The following ING2 variants were observed in gnomAD, a reference collection of about 807,000 sequenced individuals.
The protein encoded by ING2 is inhibitor of growth family member 2, also known as inhibitor of growth protein 2.
ING2 carries 7 observed loss-of-function variants against 30.6 expected under a neutral mutation model. That is an observed-to-expected ratio of 0.23 (90% CI 0.13 to 0.43). The LOEUF (loss-of-function observed/expected upper bound fraction) is 0.43. Among genes scored for constraint, ING2 ranks in the 20% least tolerant of loss-of-function variants. The probability of loss-of-function intolerance (pLI) is 1.00; values close to 1 mark genes in which losing one functional copy is unlikely to be tolerated. For synonymous variants in ING2, 136 were observed against 121.7 expected (o/e 1.12, Z -0.78); for missense variants, 239 against 334.9 (o/e 0.71, Z 2.24).
In ING2 at chr4:183,510,669, A is replaced by C; in HGVS notation, c.560A>C (p.Lys187Thr). ...PPKEKKSKSA[K>T]KKKRSKAKQE... Reference sequence around the variant, plus strand: ...AAAGAAAAGAAATCCAAGTCAGCAAAGAAAAAGAAACGCTCCAAGGCCAAG... The same window carrying C: ...AAAGAAAAGAAATCCAAGTCAGCAACGAAAAAGAAACGCTCCAAGGCCAAG... The change falls in exon 2 of 2, where the codon AAG (lysine) becomes ACG (threonine). Residue 187 changes from lysine to threonine, a missense_variant. Physicochemically the swap from Lys to Thr is moderately conservative, Grantham distance 78. Coordinates refer to ENST00000302327, the MANE Select transcript of ING2 (RefSeq NM_001564.4). The C allele has an allele frequency of 6.2e-7, 1 of 1,614,218 alleles. No homozygotes were observed. Among genetic ancestry groups the C allele is most frequent in the Non-Finnish European group, 8.5e-7 (1 of 1,180,028 alleles).
At chr4:183,508,752 G>T (rs889202107) in intron 1 of ING2, among the ~76,000 whole-genome samples, 3 of 152,120 alleles carry the variant, frequency 2.0e-5, no homozygotes, top group African/African-American at 7.2e-5. Flanking sequence ...AAAATACCAT[G>T]CGGACAGAAC....
At chr4:183,506,175 G>A in intron 1 of ING2, 1 of 1,291,192 alleles carries the variant, frequency 7.7e-7, no homozygotes, top group Admixed American at 2.3e-5. Flanking sequence ...GGGAGTCGGG[G>A]CTGTGCGGGG....
At position 183,512,290 on chromosome 4, in the gene ING2, G is replaced by A. The variant is rs1734836060; in HGVS notation, c.*1338G>A. Reference sequence around the variant, plus strand: ...TTCTAGCTCTCCTGTGTGACTTTTAGGCATGTCATTTCACCTTGTCTGGGT... The same window carrying A: ...TTCTAGCTCTCCTGTGTGACTTTTAAGCATGTCATTTCACCTTGTCTGGGT... On this transcript the variant is annotated 3_prime_UTR_variant, in exon 2 of 2. Transcript: ENST00000302327. Among the ~76,000 whole-genome samples, 1 of 151,784 alleles carries A rather than the reference G, an allele frequency of 6.6e-6. No individual in the cohort carries two copies. Among genetic ancestry groups the A allele is most frequent in the East Asian group, 1.9e-4 (1 of 5,136 alleles).
At chr4:183,505,464 C>A in intron 1 of ING2, 97 bp downstream of exon 1, 1 of 1,261,394 alleles carries the variant, frequency 7.9e-7, no homozygotes, top group Non-Finnish European at 1.1e-6. Context: ...TCTCCCCGAG[C>A]GCACCGAGGG....
At chr4:183,506,352 C>T (rs1301389316) in intron 1 of ING2, 2 of 1,279,614 alleles carry the variant, frequency 1.6e-6, no homozygotes, top group Non-Finnish European at 2.1e-6. Context: ...TTCCGGGCTT[C>T]AGGAGGAAGT....
chr4:183,506,087 A>G (rs949494836), intron 1 of ING2: 3 of 1,180,016 alleles, frequency 2.5e-6, no homozygotes, highest in Non-Finnish European at 2.1e-6. Context: ...GGGGCGTGGG[A>G]GGGGCGCGGC....
rs1734838440 is a variant in ING2, at chr4:183,512,381, T to C, written c.*1429T>C. On this transcript the variant is annotated 3_prime_UTR_variant, in exon 2 of 2. Coordinates refer to ENST00000302327, the MANE Select transcript of ING2 (RefSeq NM_001564.4). ...TCCGAGATTCCTTGGAAATTTCTAC[T>C]ATTTGCACTATAGTGAGGATTTTAA... 1.3e-5 allele frequency among the ~76,000 whole-genome samples: 2 copies of C among 152,232 alleles called. No individual in the cohort carries two copies. The highest frequency in any genetic ancestry group is 4.8e-5 in the African/African-American group (2 of 41,466).
rs1392275793 is a variant in ING2, at chr4:183,511,524, T to C, written c.*572T>C. Among the ~76,000 whole-genome samples, 4 of 152,242 alleles carry C rather than the reference T, an allele frequency of 2.6e-5. No homozygotes were observed. The highest frequency in any genetic ancestry group is 4.8e-5 in the African/African-American group (2 of 41,472). On this transcript the variant is annotated 3_prime_UTR_variant, in exon 2 of 2. Transcript: ENST00000302327. ...GTGCTCTTATGAGAGTACGTGCTGC[T>C]GTCTTTTGCTTAGTAGCATTTTGAT...
At chr4:183,509,381 A>G (rs1734757719) in intron 1 of ING2, among the ~76,000 whole-genome samples, 3 of 152,146 alleles carry the variant, frequency 2.0e-5, no homozygotes, top group East Asian at 1.9e-4. Flanking sequence ...AGTAGACTAA[A>G]GTGGCATTCA....
intron 1 of ING2, chr4:183,506,049 C>T (rs1229826594): frequency 9.0e-7 from 1 of 1,105,600 alleles, no homozygotes; most frequent in South Asian, 1.8e-5. Flanking sequence ...GGCCCCCGCG[C>T]CGGGGGCGGG....
Position 183,506,522 on chromosome 4 carries a change from G to A in ING2, c.172+1155G>A, listed in dbSNP as rs571458563. ...CCTACTATCGGTGGTGCTACTAGGA[G>A]GGCAGTTTAAAAGGGGAAATGTGTT... On this transcript the variant is annotated intron_variant, in intron 1 of 1. Transcript: ENST00000302327. Among the ~76,000 whole-genome samples, 5 of 152,312 alleles carry A rather than the reference G, an allele frequency of 3.3e-5. No homozygotes were observed. In the South Asian group the frequency reaches 1.0e-3, roughly 32 times the overall value.
Position 183,510,905 on chromosome 4 carries a change from A to G in ING2, c.796A>G (p.Met266Val), listed in dbSNP as rs1359628774. The change falls in exon 2 of 2, where the codon ATG (methionine) becomes GTG (valine). Residue 266 changes from methionine to valine, a missense_variant. Around this residue, in one of 5 missense-constraint regions of ING2, gnomAD observed 22 missense variants for 77.0 expected, o/e 0.29. Transcript: ENST00000302327. ...GTGCAGGGGAGATAATGAGAAAACA[A>G]TGGACAAAAGTACTGAAAAGACAAA... ...PKCRGDNEKT[M>V]DKSTEKTKKD... 2 of 1,609,652 alleles carry G rather than the reference A, an allele frequency of 1.2e-6. No individual in the cohort carries two copies. The highest frequency in any genetic ancestry group is 2.7e-5 in the African/African-American group (2 of 74,826).
In ING2 at chr4:183,511,249, T is replaced by G. The variant is rs1294431051; in HGVS notation, c.*297T>G. 6.6e-6 allele frequency among the ~76,000 whole-genome samples: 1 copy of G among 152,222 alleles called. No homozygotes were observed. Among genetic ancestry groups the G allele is most frequent in the Non-Finnish European group, 1.5e-5 (1 of 68,032 alleles). ...TGCCTATTTCATTTTCACTTAAAAC[T>G]GCAATGTTATTTTTTGGGTAAACAC... On this transcript the variant is annotated 3_prime_UTR_variant, in exon 2 of 2. Coordinates refer to ENST00000302327, the MANE Select transcript of ING2 (RefSeq NM_001564.4).
In ING2 at chr4:183,510,361, G is replaced by C. The variant is rs202172876; in HGVS notation, c.252G>C (p.Gln84His). The change falls in exon 2 of 2, where the codon CAG becomes CAC. Residue 84 changes from glutamine (Q) to histidine (H), a missense_variant. By Grantham distance (24) the Gln-to-His change is conservative. This residue lies in a region of ING2 where 80 missense variants were observed against 102.4 expected (regional missense o/e 0.78). Transcript: ENST00000302327. ...DDLNQKKRLQ[Q>H]LLQRALINSQ... Reference sequence around the variant, plus strand: ...TAAACCAGAAGAAACGTCTACAGCAGCTTCTCCAGAGAGCACTAATTAATA... The same window carrying C: ...TAAACCAGAAGAAACGTCTACAGCACCTTCTCCAGAGAGCACTAATTAATA... 5.6e-6 allele frequency: 9 copies of C among 1,614,102 alleles called. No homozygotes were observed. In the East Asian group the frequency reaches 1.6e-4, roughly 28 times the overall value.
intron 1 of ING2, among the ~76,000 whole-genome samples, chr4:183,506,602 C>A (rs1379620570): frequency 6.6e-6 from 1 of 152,206 alleles, no homozygotes; most frequent in Non-Finnish European, 1.5e-5. Context: ...TGGAAACAGC[C>A]ATACGAACTT....
chr4:183,512,242 G>GA lies in ING2; in HGVS notation c.*1299dup, dbSNP rs112692302. 0.065 allele frequency among the ~76,000 whole-genome samples: 9,688 copies of GA among 150,142 alleles called. 473 individuals carry two copies. Among genetic ancestry groups the GA allele is most frequent in the East Asian group, 0.18 (945 of 5,134 alleles). On this transcript the variant is annotated 3_prime_UTR_variant, in exon 2 of 2. Transcript: ENST00000302327. ...GAAAAATCCTGTCTGCTTGTTTTGG[G>GA]AAAAAAAAATGCTTTTTTTCTCTTC...
rs1233340327 is a variant in ING2 at position 183,505,496 on chromosome 4, G to A, written c.172+129G>A. 8 of 960,016 alleles carry A rather than the reference G, an allele frequency of 8.3e-6. No homozygotes were observed. In the East Asian group the frequency reaches 1.3e-4, roughly 15 times the overall value. The allele number at this position is 960,016 out of a possible 1,614,324, so 59.5% of individuals were successfully genotyped here. On this transcript the variant is annotated intron_variant, in intron 1 of 1. Transcript: ENST00000302327. Reference sequence around the variant, plus strand: ...AGGGTCTGCCGAGCGGGACTGGGAGGACTGGAGACCGGGTTGGCGGCCCTC... The same window carrying A: ...AGGGTCTGCCGAGCGGGACTGGGAGAACTGGAGACCGGGTTGGCGGCCCTC...
In ING2 at chr4:183,512,421, C is replaced by T. The variant is rs1734839024; in HGVS notation, c.*1469C>T. Among the ~76,000 whole-genome samples the T allele has an allele frequency of 6.6e-6, 1 of 152,074 alleles. No homozygotes were observed. The highest frequency in any genetic ancestry group is 2.4e-5 in the African/African-American group (1 of 41,410). ...GAGGATTTTAATAATGACATGACTT[C>T]TCTTTTCATTAATTTTGTCCTTCAT... On this transcript the variant is annotated 3_prime_UTR_variant, in exon 2 of 2. Transcript: ENST00000302327.
At chr4:183,505,773 T>TCCCCACCTCACTCGC (rs1297431512) in intron 1 of ING2, among the ~76,000 whole-genome samples, 4 of 151,776 alleles carry the variant, frequency 2.6e-5, no homozygotes, top group Non-Finnish European at 4.4e-5. Flanking sequence ...GGGGCGCGCT[T>TCCCCACCTCACTCGC]CCCCACCTCA....
Sources: allele counts gnomAD v4.1 joint callset (sites outside exome capture counted in the v4.1 genomes callset), GRCh38; gene constraint gnomAD v4.1.1; regional missense constraint gnomAD v4.1.1; transcripts MANE v1.5; gene names NCBI Gene and HGNC (gene_info 2026-07-23, HGNC 2026-07-21).